The following LRGUK variants were observed in gnomAD, a reference collection of about 807,000 sequenced individuals.
LRGUK encodes leucine-rich repeat and guanylate kinase domain-containing protein.
LRGUK carries 65 observed loss-of-function variants against 76.0 expected under a neutral mutation model. The observed-to-expected ratio is 0.85, with a 90% CI of 0.70 to 1.05. The LOEUF (loss-of-function observed/expected upper bound fraction) is 1.05. LRGUK is among the 50% of genes least tolerant of loss of function. The pLI is 0.00. For missense variants in LRGUK, 758 were observed against 732.8 expected (o/e 1.03, Z -0.40); for synonymous variants, 268 against 265.6 (o/e 1.01, Z -0.09).
chr7:134,194,002 C>T (rs1014868528), intron 12 of LRGUK, among the ~76,000 whole-genome samples: 1 of 152,168 alleles, frequency 6.6e-6, no homozygotes, highest in African/African-American at 2.4e-5. Context: ...AACATGCCCA[C>T]AGATATGAGA....
chr7:134,181,514 G>T lies in LRGUK; in HGVS notation c.1215-2220G>T, dbSNP rs577505166. Among the ~76,000 whole-genome samples, 3 of 58,570 alleles carry T rather than the reference G, an allele frequency of 5.1e-5. No individual in the cohort carries two copies. In the East Asian group the frequency reaches 1.5e-3, roughly 30 times the overall value. The allele number at this position is 58,570 out of a possible 152,430, so 38.4% of individuals were successfully genotyped here. Reference sequence around the variant, plus strand: ...GGTATAATGTGTGCCCTTTCAATGCGTAGTGTTTTTTGTTTGTTTGTTTGT... The same window carrying T: ...GGTATAATGTGTGCCCTTTCAATGCTTAGTGTTTTTTGTTTGTTTGTTTGT... On this transcript the variant is annotated intron_variant, in intron 10 of 15. Transcript: ENST00000645682.
At position 134,187,128 on chromosome 7, in the gene LRGUK, T is replaced by A. The variant is rs138600510; in HGVS notation, c.1334+3275T>A. ...TTAGATAGCTAGTTACTTTATCCATTGAGAAAGTAAGCTACTGCTACCATT... is the reference window on the plus strand; with the variant it reads ...TTAGATAGCTAGTTACTTTATCCATAGAGAAAGTAAGCTACTGCTACCATT... On this transcript the variant is annotated intron_variant, in intron 11 of 15. Transcript: ENST00000645682. Among the ~76,000 whole-genome samples, 341 of 152,258 alleles carry A rather than the reference T, an allele frequency of 2.2e-3. 3 individuals carry two copies. The highest frequency in any genetic ancestry group is 7.8e-3 in the African/African-American group (326 of 41,554).
chr7:134,159,649 C>T (rs1309306234), intron 6 of LRGUK, among the ~76,000 whole-genome samples: 1 of 152,080 alleles, frequency 6.6e-6, no homozygotes, highest in African/African-American at 2.4e-5. Context: ...ATTAGCTAGG[C>T]GCGGTGGTGG....
chr7:134,158,137 T>C, exon 6 of LRGUK: 1 of 1,612,820 alleles, frequency 6.2e-7, no homozygotes, highest in South Asian at 1.1e-5. Context: ...TTAAACAAGT[T>C]ACCAATCAAA....
intron 15 of LRGUK, among the ~76,000 whole-genome samples, chr7:134,206,493 G>A (rs576098692): frequency 9.2e-5 from 14 of 151,738 alleles, no homozygotes; most frequent in Admixed American, 3.9e-4. Context: ...CCAGCCTGGT[G>A]ACAGAGTGAG....
chr7:134,234,891 C>A (rs1475317162), intron 16 of LRGUK, among the ~76,000 whole-genome samples: 2 of 152,090 alleles, frequency 1.3e-5, no homozygotes, highest in Non-Finnish European at 2.9e-5. Context: ...TCTGTATCTG[C>A]AGTTATCAGG....
chr7:134,247,682 C>T (rs1439115072), intron 17 of LRGUK, 38 bp downstream of exon 17: 3 of 1,475,852 alleles, frequency 2.0e-6, no homozygotes, highest in East Asian at 4.5e-5. Flanking sequence ...AGATTGATTT[C>T]CTAGTGTTCA....
At chr7:134,212,560 G>T (rs150055148), downstream of LRGUK, among the ~76,000 whole-genome samples, 1 of 152,218 alleles carries the variant, frequency 6.6e-6, no homozygotes, top group African/African-American at 2.4e-5. Context: ...CTTGCAAAAT[G>T]AAGAGCTTAT....
Position 134,127,770 on chromosome 7 carries a change from T to A in LRGUK, c.297+106T>A, listed in dbSNP as rs565501065. 5.5e-4 allele frequency: 699 copies of A among 1,266,700 alleles called. 1 individual carries two copies. Among genetic ancestry groups the A allele is most frequent in the Non-Finnish European group, 7.0e-4 (666 of 949,516 alleles). 78.5% of individuals were successfully genotyped at this position (1,266,700 alleles called of 1,614,324 possible). A position where few individuals can be genotyped will look rare whatever the true frequency, so the allele number is the denominator to read the frequency against. ...CCACCAGCCCGAAGCTTCCCACACC[T>A]TCTCAGGCTCTCTCGCCTCCAGGAA... On this transcript the variant is annotated intron_variant, in intron 1 of 15. Transcript: ENST00000645682.
intron 7 of LRGUK, among the ~76,000 whole-genome samples, chr7:134,166,201 A>G (rs1798976129): frequency 6.6e-6 from 1 of 152,070 alleles, no homozygotes; most frequent in Non-Finnish European, 1.5e-5. Flanking sequence ...GATGTTAAGA[A>G]TATTGTTTTA....
At chr7:134,269,377 G>GTC (rs756044295), downstream of LRGUK, among the ~76,000 whole-genome samples, 106 of 144,772 alleles carry the variant, frequency 7.3e-4, 1 homozygote, top group African/African-American at 4.0e-4. Context: ...TTGAGACAGG[G>GTC]TCTCTCTCTC....
At chr7:134,215,887 T>A (rs1042334568) in intron 15 of LRGUK, among the ~76,000 whole-genome samples, 3 of 152,188 alleles carry the variant, frequency 2.0e-5, no homozygotes, top group Non-Finnish European at 2.9e-5. Context: ...TGATGACAGA[T>A]AAATGGTGTT....
At chr7:134,232,249 C>T (rs2117176713) in intron 16 of LRGUK, among the ~76,000 whole-genome samples, 1 of 152,128 alleles carries the variant, frequency 6.6e-6, no homozygotes, top group South Asian at 2.1e-4. Flanking sequence ...CCCAGTATTA[C>T]TGACTTCCAA....
intron 5 of LRGUK, among the ~76,000 whole-genome samples, chr7:134,155,674 G>T (rs901083748): frequency 7.2e-5 from 11 of 152,126 alleles, no homozygotes; most frequent in African/African-American, 2.7e-4. Flanking sequence ...TGGTATCAAT[G>T]CTTTATAATT....
chr7:134,194,868 A>G (rs966251028), intron 12 of LRGUK, among the ~76,000 whole-genome samples: 1 of 152,332 alleles, frequency 6.6e-6, no homozygotes, highest in East Asian at 1.9e-4. Context: ...CTGCCTAGAC[A>G]GAGCCGATTT....
chr7:134,151,157 A>C (rs1230758393), intron 5 of LRGUK, among the ~76,000 whole-genome samples: 1 of 152,208 alleles, frequency 6.6e-6, no homozygotes, highest in African/African-American at 2.4e-5. Flanking sequence ...TTTTCTGGAC[A>C]ACAGAAAGCA....
intron 7 of LRGUK, among the ~76,000 whole-genome samples, chr7:134,171,390 A>AATATATATATGTGTGTATAT (rs1799241120): frequency 6.6e-6 from 1 of 151,676 alleles, no homozygotes. Flanking sequence ...TAAGACGACA[A>AATATATATATGTGTGTATAT]ATATATATAT....
intron 14 of LRGUK, 53 bp from the exon 15 acceptor site, chr7:134,201,428 C>A: frequency 7.4e-7 from 1 of 1,348,272 alleles, no homozygotes; most frequent in Non-Finnish European, 1.1e-6. Flanking sequence ...AGTTGAACAT[C>A]AACTGTATTG....
At chr7:134,265,844 C>T (rs905789166), downstream of LRGUK, among the ~76,000 whole-genome samples, 1 of 152,162 alleles carries the variant, frequency 6.6e-6, no homozygotes, top group African/African-American at 2.4e-5. Flanking sequence ...CTTCTCCTTC[C>T]CACTGGAGAG....
Sources: gnomAD v4.1 joint callset for allele counts (sites outside exome capture counted in the v4.1 genomes callset) on GRCh38, gnomAD v4.1.1 for gene constraint, MANE v1.5 for transcripts, NCBI Gene and HGNC (gene_info 2026-07-23, HGNC 2026-07-21) for gene names.